The following EXOSC9 variants were observed in gnomAD, a reference collection of about 807,000 sequenced individuals.
The protein encoded by EXOSC9 is exosome component 9.
A neutral mutation model predicts 56.5 loss-of-function variants in EXOSC9; 38 were observed. The observed-to-expected ratio is 0.67, with a 90% CI of 0.52 to 0.88. EXOSC9 has a LOEUF of 0.88. Among genes scored for constraint, EXOSC9 ranks in the 40% least tolerant of loss-of-function variants. EXOSC9 has a pLI of 0.00. For synonymous variants in EXOSC9, 170 were observed against 170.8 expected, an observed-to-expected ratio of 0.99 and a Z score of 0.04; for missense variants, 559 against 530.5, an observed-to-expected ratio of 1.05 and a Z score of -0.53.
chr4:121,801,760 A>G (rs1353453203), intron 1 of EXOSC9, 67 bp from the exon 2 acceptor site: 7 of 1,389,896 alleles, frequency 5.0e-6, no homozygotes, highest in Non-Finnish European at 7.2e-6. Flanking sequence ...CCAGGGCCAG[A>G]CAAAAAGTAG....
At chr4:121,816,042 C>T in intron 10 of EXOSC9, 1 of 953,786 alleles carries the variant, frequency 1.0e-6, no homozygotes, top group South Asian at 2.9e-5. Flanking sequence ...CTGCAACCTC[C>T]ACCTCCATGG....
chr4:121,807,779 G>A, intron 6 of EXOSC9, 157 bp downstream of exon 6: 2 of 613,748 alleles, frequency 3.3e-6, no homozygotes, highest in Non-Finnish European at 5.9e-6. Flanking sequence ...AGTTGGCAAA[G>A]AACTTTCTCA....
chr4:121,816,879 T>C lies in EXOSC9; in HGVS notation c.*23T>C. ...TAAAGCTAACAGTTGTATATCTGTATATATAACTATTAAAAGGGATATTTA... is the reference window on the plus strand; with the variant it reads ...TAAAGCTAACAGTTGTATATCTGTACATATAACTATTAAAAGGGATATTTA... On this transcript the variant is annotated 3_prime_UTR_variant, in exon 12 of 12. Coordinates refer to ENST00000243498, the MANE Select transcript of EXOSC9 (RefSeq NM_005033.3). 6.6e-7 allele frequency: 1 copy of C among 1,518,404 alleles called. No homozygotes were observed. 94.1% of individuals were successfully genotyped at this position (1,518,404 alleles called of 1,614,324 possible). A position where few individuals can be genotyped will look rare whatever the true frequency, so the allele number is the denominator to read the frequency against.
At position 121,812,381 on chromosome 4, in the gene EXOSC9, T is replaced by C. The variant is rs1578505142; in HGVS notation, c.827+710T>C. On this transcript the variant is annotated intron_variant, in intron 8 of 11. Transcript: ENST00000243498. ...AAATTTCACACTTGATCTTTCCTTA[T>C]TTGTTAATCTGAATTGAGTATACTA... Among the ~76,000 whole-genome samples the C allele has an allele frequency of 4.6e-5, 7 of 152,346 alleles. 1 individual carries two copies. The highest frequency in any genetic ancestry group is 4.6e-4 in the Admixed American group (7 of 15,300).
At chr4:121,805,230 C>T (rs374203335) in intron 5 of EXOSC9, among the ~76,000 whole-genome samples, 2 of 152,170 alleles carry the variant, frequency 1.3e-5, no homozygotes, top group African/African-American at 4.8e-5. Context: ...CTTGTTAAAA[C>T]GTATAGCCAG....
Position 121,810,550 on chromosome 4 carries a change from C to T in EXOSC9, c.738+451C>T, listed in dbSNP as rs373754226. The stretch of plus-strand genomic sequence containing the variant: ...AAAATTAGCTGGGTGTGGTGGCTGG[C>T]GCACGCCTGTAATCCCAGCTACTTG... On this transcript the variant is annotated intron_variant, in intron 7 of 11. Coordinates refer to ENST00000243498, the MANE Select transcript of EXOSC9 (RefSeq NM_005033.3). Among the ~76,000 whole-genome samples the T allele has an allele frequency of 2.8e-4, 42 of 152,200 alleles. 1 individual carries two copies. In the East Asian group the frequency reaches 6.4e-3, roughly 23 times the overall value.
rs1004996115 is a variant in EXOSC9, at chr4:121,814,241, T to C, written c.1156+194T>C. 15 of 364,222 alleles carry C rather than the reference T, an allele frequency of 4.1e-5. 1 individual carries two copies. Among genetic ancestry groups the C allele is most frequent in the Admixed American group, 3.2e-4 (8 of 24,820 alleles). 22.6% of individuals were successfully genotyped at this position (364,222 alleles called of 1,614,324 possible). A position where few individuals can be genotyped will look rare whatever the true frequency, so the allele number is the denominator to read the frequency against. ...ATACTATATAGAGAGAATATAGATA[T>C]GTAGTTATATATAGGGATGTAAGTA... On this transcript the variant is annotated intron_variant, in intron 10 of 11. Coordinates refer to ENST00000243498, the MANE Select transcript of EXOSC9 (RefSeq NM_005033.3).
intron 5 of EXOSC9, among the ~76,000 whole-genome samples, chr4:121,805,216 AG>A (rs1318874097): frequency 6.6e-6 from 1 of 152,218 alleles, no homozygotes; most frequent in Non-Finnish European, 1.5e-5. Flanking sequence ...AAATACCTGG[AG>A]GGCTTGTTAA....
At chr4:121,816,038 C>A in intron 10 of EXOSC9, 1 of 961,124 alleles carries the variant, frequency 1.0e-6, no homozygotes, top group Non-Finnish European at 1.4e-6. Flanking sequence ...GGCACTGCAA[C>A]CTCCACCTCC....
intron 4 of EXOSC9, 53 bp downstream of exon 4, chr4:121,803,070 G>A (rs986743693): frequency 2.5e-6 from 3 of 1,216,796 alleles, no homozygotes; most frequent in Non-Finnish European, 3.6e-6. Context: ...GTTGATCATG[G>A]ATCCCGGTAT....
In EXOSC9 at chr4:121,813,329, T is replaced by G; in HGVS notation, c.923T>G (p.Val308Gly). The change falls in exon 9 of 12, where the codon GTA (valine) becomes GGA (glycine). Residue 308 changes from valine (V) to glycine (G), a missense_variant. Val to Gly is a moderately radical substitution (Grantham distance 109). Coordinates refer to ENST00000243498, the MANE Select transcript of EXOSC9 (RefSeq NM_005033.3). ...MEKAPIDTSDVEEKAEEIIAE... is the reference protein window; with the variant it reads ...MEKAPIDTSDGEEKAEEIIAE... ...AAGGCCCCTATTGATACCTCGGATG[T>G]AGAAGAAAAAGCAGAAGAAATCATT... The G allele has an allele frequency of 6.2e-7, 1 of 1,613,692 alleles. No homozygotes were observed. Among genetic ancestry groups the G allele is most frequent in the Non-Finnish European group, 8.5e-7 (1 of 1,179,706 alleles).
Position 121,804,639 on chromosome 4 carries a change from A to G in EXOSC9, c.402A>G (p.Val134=), listed in dbSNP as rs376708953. 4 of 1,599,648 alleles carry G rather than the reference A, an allele frequency of 2.5e-6. No individual in the cohort carries two copies. Among genetic ancestry groups the G allele is most frequent in the Non-Finnish European group, 3.4e-6 (4 of 1,167,908 alleles). The change falls in exon 5 of 12, where the codon GTA becomes GTG. Residue 134 remains valine, a synonymous_variant. Transcript: ENST00000243498. ...VAGEKVWQIR[V]DLHLLNHDGN... is the part of the protein sequence containing the mutation. ...ACTATCAGGTTTGGCAAATACGTGT[A>G]GACCTACATTTATTAAATCATGATG... is the stretch of plus-strand genomic sequence containing the variant.
rs1403392785 is a variant in EXOSC9 at position 121,802,252 on chromosome 4, T to C, written c.161+331T>C. Among the ~76,000 whole-genome samples the C allele has an allele frequency of 2.6e-5, 4 of 152,232 alleles. No homozygotes were observed. In the East Asian group the frequency reaches 5.8e-4, roughly 22 times the overall value. On this transcript the variant is annotated intron_variant, in intron 2 of 11. Transcript: ENST00000243498. ...CATTAAGTGTACATCCTGCTTTCTT[T>C]TTCCTGAGTGACATGAAAATTAGGT...
intron 7 of EXOSC9, among the ~76,000 whole-genome samples, chr4:121,811,061 T>G (rs5004355): frequency 0.32 from 48,290 of 152,130 alleles, 8,688 homozygotes; most frequent in East Asian, 0.44. Context: ...TGAATTCTAG[T>G]TCTGCCCCCA....
rs542804602 is a variant in EXOSC9, at chr4:121,813,910, G to T, written c.1019G>T (p.Gly340Val). The change falls in exon 10 of 12, where the codon GGA becomes GTA. Residue 340 changes from glycine to valine, a missense_variant. Coordinates refer to ENST00000243498, the MANE Select transcript of EXOSC9 (RefSeq NM_005033.3). ...VLWTPGTAQI[G>V]EGVENSWGDL... is the part of the protein sequence containing the mutation. ...TGGACTCCTGGAACTGCCCAAATTG[G>T]AGAGGGAGTAGAAAACTCCTGGGGT... 40 of 1,613,344 alleles carry T rather than the reference G, an allele frequency of 2.5e-5. No homozygotes were observed. Among genetic ancestry groups the T allele is most frequent in the Non-Finnish European group, 3.2e-5 (38 of 1,179,550 alleles).
intron 5 of EXOSC9, among the ~76,000 whole-genome samples, chr4:121,805,063 G>GA (rs1726980280): frequency 6.6e-6 from 1 of 152,188 alleles, no homozygotes; most frequent in Non-Finnish European, 1.5e-5. Context: ...CCATATGTGT[G>GA]AAAAATACAT....
rs185679895 is a variant in EXOSC9 at position 121,804,680 on chromosome 4, C to T, written c.443C>T (p.Ala148Val). ...LLNHDGNIID[A>V]ASIAAIVALC... ...AATCATGATGGAAATATTATTGATG[C>T]TGCCAGCATTGCTGCAATCGTGGCC... The change falls in exon 5 of 12, where the codon GCT becomes GTT. Residue 148 changes from alanine to valine, a missense_variant. Coordinates refer to ENST00000243498, the MANE Select transcript of EXOSC9 (RefSeq NM_005033.3). 59 of 1,607,800 alleles carry T rather than the reference C, an allele frequency of 3.7e-5. No homozygotes were observed. The African/African-American group carries it at 6.1e-4, about 17-fold the overall frequency.
intron 4 of EXOSC9, among the ~76,000 whole-genome samples, chr4:121,803,805 A>T (rs1028814648): frequency 6.6e-6 from 1 of 152,154 alleles, no homozygotes; most frequent in African/African-American, 2.4e-5. Flanking sequence ...AAGTGCTGGG[A>T]TTACAGGCGT....
At chr4:121,816,179 G>A (rs773319898) in intron 10 of EXOSC9, 190 bp from the exon 11 acceptor site, 8 of 650,574 alleles carry the variant, frequency 1.2e-5, no homozygotes, top group Non-Finnish European at 2.2e-5. Flanking sequence ...GACTGGACTC[G>A]AGTTCCTGAC....
Sources: gnomAD v4.1 joint callset for allele counts (sites outside exome capture counted in the v4.1 genomes callset) on GRCh38, gnomAD v4.1.1 for gene constraint, MANE v1.5 for transcripts, NCBI Gene and HGNC (gene_info 2026-07-23, HGNC 2026-07-21) for gene names.